The following EYA1 variants were observed in gnomAD, a reference collection of about 807,000 sequenced individuals.
The protein encoded by EYA1 is protein phosphatase EYA1.
Under a neutral mutation model 82.0 loss-of-function variants are expected in EYA1, and 16 were observed. That is an observed-to-expected ratio of 0.20 (90% CI 0.13 to 0.30). EYA1 has a LOEUF of 0.30. EYA1 is among the 10% of genes least tolerant of loss of function. The pLI is 1.00. For synonymous variants in EYA1, 261 were observed against 264.4 expected, an observed-to-expected ratio of 0.99 and a Z score of 0.12; for missense variants, 633 against 730.7, an observed-to-expected ratio of 0.87 and a Z score of 1.54.
At chr8:71,217,110 T>G in intron 12 of EYA1, 87 bp from the exon 13 acceptor site, 1 of 972,888 alleles carries the variant, frequency 1.0e-6, no homozygotes, top group African/African-American at 1.6e-5. Context: ...ACATATTTTT[T>G]AAAGCACCTT....
At chr8:71,286,388 G>A (rs1818362099) in intron 9 of EYA1, among the ~76,000 whole-genome samples, 1 of 152,204 alleles carries the variant, frequency 6.6e-6, no homozygotes, top group African/African-American at 2.4e-5. Context: ...CACTACTGCA[G>A]AGTGCAGAAC....
chr8:71,328,199 G>A (rs909441281), intron 4 of EYA1, among the ~76,000 whole-genome samples: 1 of 152,140 alleles, frequency 6.6e-6, no homozygotes, highest in South Asian at 2.1e-4. Context: ...GAAAGTAGGA[G>A]TGGTGGCCAC....
At chr8:71,469,347 C>A (rs1167249719) in intron 2 of EYA1, among the ~76,000 whole-genome samples, 1 of 152,034 alleles carries the variant, frequency 6.6e-6, no homozygotes, top group Admixed American at 6.6e-5. Context: ...CTACGACTTA[C>A]CTAACTATGT....
intron 2 of EYA1, among the ~76,000 whole-genome samples, chr8:71,434,465 A>G (rs1250106918): frequency 6.6e-6 from 1 of 152,202 alleles, no homozygotes; most frequent in Non-Finnish European, 1.5e-5. Flanking sequence ...TATGGCATCA[A>G]TTTAACTCCA....
intron 2 of EYA1, among the ~76,000 whole-genome samples, chr8:71,375,127 G>C (rs985617652): frequency 2.0e-5 from 3 of 152,042 alleles, no homozygotes; most frequent in African/African-American, 7.2e-5. Flanking sequence ...AAAATTTGCA[G>C]AGTACATTTT....
chr8:71,401,530 A>T (rs966327224), intron 2 of EYA1, among the ~76,000 whole-genome samples: 2 of 152,244 alleles, frequency 1.3e-5, no homozygotes, highest in African/African-American at 4.8e-5. Context: ...TAGCATATGC[A>T]TATTAGCATA....
At chr8:71,405,767 C>G (rs905111916) in intron 2 of EYA1, among the ~76,000 whole-genome samples, 2 of 151,646 alleles carry the variant, frequency 1.3e-5, no homozygotes, top group Non-Finnish European at 2.9e-5. Context: ...TTCCATATAC[C>G]CCTTACAAAA....
At chr8:71,345,631 A>G (rs907259159) in intron 3 of EYA1, among the ~76,000 whole-genome samples, 2 of 152,108 alleles carry the variant, frequency 1.3e-5, no homozygotes, top group African/African-American at 2.4e-5. Flanking sequence ...TTCTTCCTAT[A>G]TTTCTAATAT....
At chr8:71,256,867 C>T (rs1050654053) in intron 11 of EYA1, among the ~76,000 whole-genome samples, 4 of 151,804 alleles carry the variant, frequency 2.6e-5, no homozygotes, top group Non-Finnish European at 5.9e-5. Context: ...GGCATGGTGG[C>T]GCATGCCTCT....
At chr8:71,428,421 A>G (rs1805392539) in intron 2 of EYA1, among the ~76,000 whole-genome samples, 2 of 152,246 alleles carry the variant, frequency 1.3e-5, no homozygotes, top group Non-Finnish European at 2.9e-5. Context: ...TTTAAAATGT[A>G]TCCAACTTCC....
At chr8:71,378,970 A>G (rs60100297) in intron 2 of EYA1, among the ~76,000 whole-genome samples, 43,881 of 151,888 alleles carry the variant, frequency 0.29, 6,971 homozygotes, top group East Asian at 0.72. Flanking sequence ...TTCGGAATGA[A>G]CATGTGTTTA....
intron 11 of EYA1, among the ~76,000 whole-genome samples, chr8:71,264,742 C>T (rs183890895): frequency 1.3e-5 from 2 of 152,050 alleles, no homozygotes; most frequent in East Asian, 3.9e-4. Context: ...CCACACCCAG[C>T]TAATTTTTGT....
At chr8:71,427,046 T>A (rs1586696247) in intron 2 of EYA1, among the ~76,000 whole-genome samples, 1 of 152,364 alleles carries the variant, frequency 6.6e-6, no homozygotes, top group East Asian at 1.9e-4. Context: ...ATAGGTGATT[T>A]CTAACAGAGT....
intron 2 of EYA1, among the ~76,000 whole-genome samples, chr8:71,498,410 G>A (rs930294366): frequency 3.9e-5 from 6 of 152,028 alleles, no homozygotes; most frequent in African/African-American, 1.4e-4. Flanking sequence ...TATTTGCATC[G>A]AAATATTCTA....
At chr8:71,443,293 G>T (rs901480942) in intron 2 of EYA1, among the ~76,000 whole-genome samples, 4 of 152,144 alleles carry the variant, frequency 2.6e-5, no homozygotes, top group South Asian at 2.1e-4. Context: ...TGAAGAAAAT[G>T]GATTTTTTTG....
chr8:71,506,296 G>A (rs1812187994), intron 2 of EYA1, among the ~76,000 whole-genome samples: 1 of 152,208 alleles, frequency 6.6e-6, no homozygotes, highest in South Asian at 2.1e-4. Flanking sequence ...AATTAAAGAA[G>A]TTGACTCTCA....
chr8:71,506,540 A>G (rs967057093), intron 2 of EYA1, among the ~76,000 whole-genome samples: 1 of 152,168 alleles, frequency 6.6e-6, no homozygotes, highest in Non-Finnish European at 1.5e-5. Flanking sequence ...TGTTATTGTA[A>G]TTTTGCAATT....
At chr8:71,412,188 A>T (rs1240843114) in intron 2 of EYA1, among the ~76,000 whole-genome samples, 3 of 121,436 alleles carry the variant, frequency 2.5e-5, no homozygotes. Flanking sequence ...ATGAGATCAC[A>T]TGGACACAGG....
intron 2 of EYA1, among the ~76,000 whole-genome samples, chr8:71,480,175 G>A (rs1045822394): frequency 1.3e-5 from 2 of 152,084 alleles, no homozygotes; most frequent in African/African-American, 4.8e-5. Flanking sequence ...GATTTTATTT[G>A]TAATTCTTGT....
Sources: gnomAD v4.1 joint callset for allele counts (sites outside exome capture counted in the v4.1 genomes callset) on GRCh38, gnomAD v4.1.1 for gene constraint, MANE v1.5 for transcripts, NCBI Gene and HGNC (gene_info 2026-07-23, HGNC 2026-07-21) for gene names.